The following RSPO2 variants were observed in gnomAD, a reference collection of about 807,000 sequenced individuals.
RSPO2 encodes R-spondin-2.
A neutral mutation model predicts 30.9 loss-of-function variants in RSPO2; 14 were observed. The observed-to-expected ratio is 0.45, with a 90% confidence interval of 0.30 to 0.71. RSPO2 has a LOEUF of 0.71. Ranked by LOEUF, RSPO2 falls within the 30% of genes least tolerant of loss-of-function variation. RSPO2 has a pLI of 0.08. For synonymous variants in RSPO2, 107 were observed against 96.4 expected (o/e 1.11, Z -0.64); for missense variants, 264 against 301.9 (o/e 0.87, Z 0.93).
At chr8:107,981,578 T>C (rs1350986525) in intron 3 of RSPO2, among the ~76,000 whole-genome samples, 1 of 152,218 alleles carries the variant, frequency 6.6e-6, no homozygotes, top group African/African-American at 2.4e-5. Context: ...TCAAACTTGA[T>C]GACATGTAGT....
At chr8:107,974,849 C>CACAA (rs1488828165) in intron 3 of RSPO2, among the ~76,000 whole-genome samples, 1 of 148,802 alleles carries the variant, frequency 6.7e-6, no homozygotes, top group Admixed American at 6.7e-5. Context: ...CATACACATA[C>CACAA]ACACACACAC....
chr8:107,953,666 G>A (rs1813325909), intron 5 of RSPO2, among the ~76,000 whole-genome samples: 1 of 152,126 alleles, frequency 6.6e-6, no homozygotes. Context: ...TAAGCAGCAG[G>A]ATGATGGTCC....
At chr8:108,022,854 G>C (rs1208712314) in intron 2 of RSPO2, among the ~76,000 whole-genome samples, 1 of 151,682 alleles carries the variant, frequency 6.6e-6, no homozygotes, top group South Asian at 2.1e-4. Flanking sequence ...GAACCCATGA[G>C]GCAGAGGTTG....
At chr8:107,961,246 A>G (rs1813617968) in intron 3 of RSPO2, among the ~76,000 whole-genome samples, 1 of 152,200 alleles carries the variant, frequency 6.6e-6, no homozygotes, top group Non-Finnish European at 1.5e-5. Context: ...TTAATTTTTA[A>G]AATGTTTTAA....
chr8:108,055,735 G>C (rs190169484), intron 2 of RSPO2, among the ~76,000 whole-genome samples: 1 of 152,096 alleles, frequency 6.6e-6, no homozygotes, highest in East Asian at 1.9e-4. Context: ...AAATTTCTTG[G>C]GGATAAGGGA....
rs376226947 is a variant in RSPO2 at position 108,040,439 on chromosome 8, A to G, written c.94+42106T>C. 1.1e-4 allele frequency among the ~76,000 whole-genome samples: 17 copies of G among 152,258 alleles called. No individual in the cohort carries two copies. In the South Asian group the frequency reaches 2.5e-3, roughly 22 times the overall value. On this transcript the variant is annotated intron_variant, in intron 2 of 5. Coordinates refer to ENST00000276659, the MANE Select transcript of RSPO2 (RefSeq NM_178565.5). ...AAAAAAACATGAACGCAAAAGGTAC[A>G]GGGGGAAAAAACCCAAGGCAGGCTT...
chr8:107,931,932 A>G (rs1209671909), intron 5 of RSPO2, among the ~76,000 whole-genome samples: 3 of 152,312 alleles, frequency 2.0e-5, no homozygotes. Context: ...CTTCATTAAC[A>G]AGAAATTAAC....
At chr8:108,081,306 C>G (rs1813186393) in intron 2 of RSPO2, among the ~76,000 whole-genome samples, 1 of 152,140 alleles carries the variant, frequency 6.6e-6, no homozygotes. Context: ...AAATAAGGTT[C>G]GGAAAGTCCT....
At chr8:107,993,451 A>G (rs995407446) in intron 2 of RSPO2, among the ~76,000 whole-genome samples, 1 of 152,190 alleles carries the variant, frequency 6.6e-6, no homozygotes, top group South Asian at 2.1e-4. Flanking sequence ...GCTGGTCAAA[A>G]GAATCCAAAC....
intron 2 of RSPO2, among the ~76,000 whole-genome samples, chr8:108,006,812 C>G (rs557647127): frequency 2.0e-5 from 3 of 152,286 alleles, no homozygotes; most frequent in Non-Finnish European, 4.4e-5. Flanking sequence ...CCCTTGCATT[C>G]TCTCCCTCTG....
chr8:108,054,324 G>A (rs1350993289), intron 2 of RSPO2, among the ~76,000 whole-genome samples: 3 of 152,132 alleles, frequency 2.0e-5, no homozygotes, highest in Non-Finnish European at 4.4e-5. Flanking sequence ...ACTCATTTAG[G>A]TACCCAAGCT....
intron 2 of RSPO2, among the ~76,000 whole-genome samples, chr8:107,992,771 G>GA (rs1180143757): frequency 6.6e-6 from 1 of 151,926 alleles, no homozygotes; most frequent in Non-Finnish European, 1.5e-5. Flanking sequence ...AGCAGACTTA[G>GA]AAAAAAATAA....
intron 5 of RSPO2, among the ~76,000 whole-genome samples, chr8:107,936,332 C>A (rs1364127166): frequency 6.6e-6 from 1 of 152,108 alleles, no homozygotes; most frequent in Non-Finnish European, 1.5e-5. Flanking sequence ...TTTTCTTTAT[C>A]CTTTCATCCA....
intron 2 of RSPO2, among the ~76,000 whole-genome samples, chr8:107,993,313 A>G (rs1324007694): frequency 2.0e-5 from 3 of 152,234 alleles, no homozygotes; most frequent in Admixed American, 2.0e-4. Flanking sequence ...TATGGGTAGG[A>G]AGAAACAATC....
Position 108,033,730 on chromosome 8 carries a change from T to C in RSPO2, c.95-44486A>G, listed in dbSNP as rs74813211. Among the ~76,000 whole-genome samples, 315 of 152,350 alleles carry C rather than the reference T, an allele frequency of 2.1e-3. 1 individual carries two copies. Among genetic ancestry groups the C allele is most frequent in the African/African-American group, 7.0e-3 (292 of 41,582 alleles). ...ATGGAGTTTTTACAATTTACTTGTA[T>C]ACTGTGTTTTCCAGACTCTTTTCAA... On this transcript the variant is annotated intron_variant, in intron 2 of 5. Coordinates refer to ENST00000276659, the MANE Select transcript of RSPO2 (RefSeq NM_178565.5).
chr8:107,978,293 G>A (rs1814284869), intron 3 of RSPO2, among the ~76,000 whole-genome samples: 1 of 152,076 alleles, frequency 6.6e-6, no homozygotes, highest in African/African-American at 2.4e-5. Context: ...CGGGCATGGT[G>A]GTTGGCATCT....
chr8:108,003,291 ATATATATATATATATATATATT>A (rs1288990618), intron 2 of RSPO2, among the ~76,000 whole-genome samples: 1 of 31,928 alleles, frequency 3.1e-5, no homozygotes, highest in Non-Finnish European at 5.3e-5. Flanking sequence ...ATATATATAT[ATATATATATATATATATATATT>A]TTTTTTTTTT....
At chr8:107,922,439 C>G (rs1812203437) in intron 5 of RSPO2, among the ~76,000 whole-genome samples, 1 of 151,882 alleles carries the variant, frequency 6.6e-6, no homozygotes, top group African/African-American at 2.4e-5. Context: ...TCAGATATGA[C>G]AGAAACAAAT....
intron 2 of RSPO2, among the ~76,000 whole-genome samples, chr8:108,060,842 G>C (rs1379796090): frequency 6.6e-6 from 1 of 151,794 alleles, no homozygotes; most frequent in Non-Finnish European, 1.5e-5. Context: ...TCTCTCAAAA[G>C]AACCTCTACA....
Sources: allele counts gnomAD v4.1 joint callset (sites outside exome capture counted in the v4.1 genomes callset), GRCh38; gene constraint gnomAD v4.1.1; transcripts MANE v1.5; gene names NCBI Gene and HGNC (gene_info 2026-07-23, HGNC 2026-07-21).